The following ATF2 variants were observed in gnomAD, a reference collection of about 807,000 sequenced individuals.
ATF2 encodes cyclic AMP-dependent transcription factor ATF-2.
A neutral mutation model predicts 60.6 loss-of-function variants in ATF2; 24 were observed. The ratio of observed to expected loss-of-function variants is 0.40; its 90% confidence interval spans 0.29 to 0.56. ATF2 has a LOEUF of 0.56. ATF2 is among the 20% of genes least tolerant of loss of function. The pLI is 0.54. For missense variants in ATF2, 433 were observed against 607.7 expected (o/e 0.71, Z 3.02); for synonymous variants, 206 against 215.4 (o/e 0.96, Z 0.38).
At chr2:175,162,774 AAC>A (rs1700101097) in intron 1 of ATF2, among the ~76,000 whole-genome samples, 3 of 152,222 alleles carry the variant, frequency 2.0e-5, no homozygotes, top group African/African-American at 4.8e-5. Context: ...AAAAATAATG[AAC>A]ACAATTATTT....
intron 4 of ATF2, 126 bp from the exon 5 acceptor site, chr2:175,121,666 A>T (rs944425649): frequency 7.8e-6 from 5 of 643,636 alleles, no homozygotes; most frequent in Non-Finnish European, 1.0e-5. Flanking sequence ...TTTTTAAACT[A>T]TAAAAGAATC....
intron 7 of ATF2, among the ~76,000 whole-genome samples, chr2:175,115,938 A>G (rs1471657333): frequency 6.6e-6 from 1 of 152,116 alleles, no homozygotes; most frequent in East Asian, 1.9e-4. Flanking sequence ...AAGGATGAGG[A>G]GGAGAGCATT....
chr2:175,159,509 GA>G (rs1349738135), intron 1 of ATF2, among the ~76,000 whole-genome samples: 1 of 152,098 alleles, frequency 6.6e-6, no homozygotes, highest in African/African-American at 2.4e-5. Flanking sequence ...AGACATGAGA[GA>G]GGTCCTTCAC....
chr2:175,077,039 C>A (rs1693374152), intron 13 of ATF2, among the ~76,000 whole-genome samples: 2 of 147,652 alleles, frequency 1.4e-5, no homozygotes, highest in African/African-American at 5.0e-5. Flanking sequence ...TGAGTGAGAA[C>A]ATGCAGTGTT....
At chr2:175,102,313 T>C (rs919432701) in intron 10 of ATF2, among the ~76,000 whole-genome samples, 3 of 152,318 alleles carry the variant, frequency 2.0e-5, no homozygotes, top group Middle Eastern at 3.4e-3. Flanking sequence ...ACTGGAGCTC[T>C]AGTCTAATGT....
intron 2 of ATF2, among the ~76,000 whole-genome samples, chr2:175,141,622 A>AG (rs1231066586): frequency 5.3e-5 from 8 of 151,964 alleles, no homozygotes; most frequent in Non-Finnish European, 1.0e-4. Flanking sequence ...CCTCCTAAGT[A>AG]GCTGGGACTA....
chr2:175,080,834 G>C, intron 12 of ATF2, 69 bp from the exon 13 acceptor site: 1 of 1,249,046 alleles, frequency 8.0e-7, no homozygotes, highest in Non-Finnish European at 1.1e-6. Flanking sequence ...AAACAAGCAA[G>C]GATTAAAGTA....
intron 2 of ATF2, chr2:175,147,986 G>C (rs939741053): frequency 6.6e-6 from 1 of 151,614 alleles, no homozygotes; most frequent in African/African-American, 2.4e-5. Flanking sequence ...GAAATCTGTA[G>C]AAAGAAAAAA....
At chr2:175,152,508 G>T (rs1281444178) in intron 1 of ATF2, among the ~76,000 whole-genome samples, 13 of 152,118 alleles carry the variant, frequency 8.5e-5, no homozygotes, top group Admixed American at 8.5e-4. Flanking sequence ...TTAAGAAAAG[G>T]CACAATATTC....
intron 12 of ATF2, among the ~76,000 whole-genome samples, chr2:175,092,215 C>T (rs1694599919): frequency 6.6e-6 from 1 of 151,710 alleles, no homozygotes; most frequent in Non-Finnish European, 1.5e-5. Flanking sequence ...TTTAAGAAGA[C>T]AGCAGGTCTC....
At position 175,114,872 on chromosome 2, in the gene ATF2, T is replaced by A. The variant is rs1236085275; in HGVS notation, c.448-4A>T. On this transcript the variant is annotated splice_region_variant and splice_polypyrimidine_tract_variant and intron_variant, in intron 7 of 13. Coordinates refer to ENST00000264110, the MANE Select transcript of ATF2 (RefSeq NM_001880.4). ...CAGTTTGTGCCAATGGTACTTCCTATTTAACAATGAGATAAAAAAGGGTGG... is the reference window on the plus strand; with the variant it reads ...CAGTTTGTGCCAATGGTACTTCCTAATTAACAATGAGATAAAAAAGGGTGG... 6.2e-7 allele frequency: 1 copy of A among 1,607,298 alleles called. No individual in the cohort carries two copies. The highest frequency in any genetic ancestry group is 1.7e-5 in the Admixed American group (1 of 59,756).
At chr2:175,076,860 A>G (rs1693353342) in intron 13 of ATF2, among the ~76,000 whole-genome samples, 2 of 151,880 alleles carry the variant, frequency 1.3e-5, no homozygotes, top group Non-Finnish European at 2.9e-5. Flanking sequence ...GGTTAGTTAC[A>G]TACGTATACA....
chr2:175,166,166 TC>T (rs1350758257), intron 1 of ATF2, among the ~76,000 whole-genome samples: 1 of 152,146 alleles, frequency 6.6e-6, no homozygotes, highest in Non-Finnish European at 1.5e-5. Context: ...CAAAAAAAAG[TC>T]CCTGAAAGCT....
intron 3 of ATF2, among the ~76,000 whole-genome samples, chr2:175,131,877 T>C (rs1697754665): frequency 6.6e-6 from 1 of 152,176 alleles, no homozygotes; most frequent in African/African-American, 2.4e-5. Context: ...ACTGAGAAAT[T>C]CTAAAAATAT....
chr2:175,096,356 T>C (rs1220762218), intron 11 of ATF2, among the ~76,000 whole-genome samples: 1 of 152,200 alleles, frequency 6.6e-6, no homozygotes, highest in African/African-American at 2.4e-5. Flanking sequence ...GCTCCTTTGG[T>C]GATGTTTCAC....
At chr2:175,165,941 G>A (rs10439260) in intron 1 of ATF2, among the ~76,000 whole-genome samples, 10,520 of 152,156 alleles carry the variant, frequency 0.069, 369 homozygotes, top group East Asian at 0.13. Context: ...TGGCATTACA[G>A]GCATGAGCCA....
intron 1 of ATF2, among the ~76,000 whole-genome samples, chr2:175,159,728 T>C (rs1000770312): frequency 6.6e-6 from 1 of 152,216 alleles, no homozygotes; most frequent in Non-Finnish European, 1.5e-5. Flanking sequence ...TCCTAGGCAA[T>C]GTAAAGAAAG....
At chr2:175,111,920 T>A (rs1381900534) in intron 9 of ATF2, among the ~76,000 whole-genome samples, 1 of 152,208 alleles carries the variant, frequency 6.6e-6, no homozygotes, top group Non-Finnish European at 1.5e-5. Flanking sequence ...ATTCATAATA[T>A]TCAAAGTGAT....
chr2:175,130,227 A>G lies in ATF2; in HGVS notation c.33-20T>C. ...TATTGCCTATAATCAAACAGAAGAC[A>G]CTTTAGAGTACATATTTTAAAATAA... On this transcript the variant is annotated intron_variant, in intron 3 of 13. Coordinates refer to ENST00000264110, the MANE Select transcript of ATF2 (RefSeq NM_001880.4). 1.4e-6 allele frequency: 2 copies of G among 1,405,798 alleles called. No individual in the cohort carries two copies. Among genetic ancestry groups the G allele is most frequent in the South Asian group, 1.6e-5 (1 of 62,384 alleles). 87.1% of individuals were successfully genotyped at this position (1,405,798 alleles called of 1,614,324 possible). A position where few individuals can be genotyped will look rare whatever the true frequency, so the allele number is the denominator to read the frequency against.
Sources: allele counts gnomAD v4.1 joint callset (sites outside exome capture counted in the v4.1 genomes callset), GRCh38; gene constraint gnomAD v4.1.1; transcripts MANE v1.5; gene names NCBI Gene and HGNC (gene_info 2026-07-23, HGNC 2026-07-21).